ACADSB: variants seen among roughly 807,000 people sequenced by gnomAD.
ACADSB encodes the protein short/branched chain specific acyl-CoA dehydrogenase, mitochondrial.
A neutral mutation model predicts 54.1 loss-of-function variants in ACADSB; 40 were observed. The ratio of observed to expected loss-of-function variants is 0.74; its 90% confidence interval spans 0.57 to 0.96. The LOEUF is 0.96. Ranked by LOEUF, ACADSB falls within the 40% of genes least tolerant of loss-of-function variation. ACADSB has a pLI of 0.00. For synonymous variants in ACADSB, 182 were observed against 182.8 expected, an observed-to-expected ratio of 1.00 and a Z score of 0.03; for missense variants, 530 against 510.4, an observed-to-expected ratio of 1.04 and a Z score of -0.37.
At chr10:123,041,061 C>T in intron 4 of ACADSB, 148 bp from the exon 5 acceptor site, 1 of 902,660 alleles carries the variant, frequency 1.1e-6, no homozygotes, top group Non-Finnish European at 1.7e-6. Flanking sequence ...ATAATACTTT[C>T]AGAATACCAT....
At chr10:123,024,526 A>G (rs1206806373) in intron 1 of ACADSB, among the ~76,000 whole-genome samples, 3 of 152,276 alleles carry the variant, frequency 2.0e-5, no homozygotes, top group Non-Finnish European at 2.9e-5. Flanking sequence ...TGGAGCAGAA[A>G]GGAAAAGGTG....
chr10:123,026,669 A>C (rs570658667), intron 1 of ACADSB, among the ~76,000 whole-genome samples: 1 of 152,242 alleles, frequency 6.6e-6, no homozygotes, highest in South Asian at 2.1e-4. Flanking sequence ...TTTAAAAAGG[A>C]GTGAAAAAGC....
Position 123,058,070 on chromosome 10 carries a change from G to A in ACADSB, c.*4305G>A, listed in dbSNP as rs1485529790. ...GGCTCTCCTCAGCTGTAACCAGCAT[G>A]TCAAATGTGAAGATTATTGTGTGGG... On this transcript the variant is annotated 3_prime_UTR_variant, in exon 11 of 11. Transcript: ENST00000358776. 3 of 152,194 alleles carry A rather than the reference G, an allele frequency of 2.0e-5. No homozygotes were observed. Among genetic ancestry groups the A allele is most frequent in the Admixed American group, 1.3e-4 (2 of 15,286 alleles). 9.4% of individuals were successfully genotyped at this position (152,194 alleles called of 1,614,324 possible). A position where few individuals can be genotyped will look rare whatever the true frequency, so the allele number is the denominator to read the frequency against.
chr10:123,009,134 C>CT, intron 1 of ACADSB, 63 bp downstream of exon 1: 1 of 1,507,526 alleles, frequency 6.6e-7, no homozygotes, highest in East Asian at 2.5e-5. Flanking sequence ...GGAATCGCAG[C>CT]TGGCAGAGCC....
At chr10:123,053,287 G>T (rs1391483532) in intron 10 of ACADSB, 127 bp downstream of exon 10, 1 of 740,298 alleles carries the variant, frequency 1.4e-6, no homozygotes, top group African/African-American at 1.8e-5. Flanking sequence ...ATGTTTGGTG[G>T]CTCTATTTAT....
At chr10:123,043,707 G>A (rs1850509683) in intron 6 of ACADSB, among the ~76,000 whole-genome samples, 2 of 152,158 alleles carry the variant, frequency 1.3e-5, no homozygotes, top group Admixed American at 1.3e-4. Flanking sequence ...GAGTGAGGGG[G>A]AGGATGTCTT....
intron 8 of ACADSB, 50 bp from the exon 9 acceptor site, chr10:123,050,999 G>A (rs755735951): frequency 1.3e-6 from 2 of 1,598,110 alleles, no homozygotes; most frequent in South Asian, 1.1e-5. Context: ...AGGTTGAGGT[G>A]CTTGCTTTTT....
At chr10:123,042,457 C>T (rs995088792) in intron 5 of ACADSB, among the ~76,000 whole-genome samples, 3 of 115,774 alleles carry the variant, frequency 2.6e-5, no homozygotes, top group African/African-American at 3.3e-5. Context: ...ATTGTTAAAA[C>T]TTTTTTTTTT....
chr10:123,030,543 A>T (rs937708601), intron 1 of ACADSB, among the ~76,000 whole-genome samples: 1 of 150,916 alleles, frequency 6.6e-6, no homozygotes, highest in South Asian at 2.1e-4. Context: ...AAAAAAAAAA[A>T]GAAAAGAAAA....
rs766509184 is a variant in ACADSB, at chr10:123,037,847, G to A, written c.303G>A (p.Gly101=). The change falls in exon 3 of 11, where the codon GGG becomes GGA. Residue 101 remains glycine, a splice_region_variant and synonymous_variant. Transcript: ENST00000358776. ...KSVIQGLFQQ[G]LMGIEVDPEY... ...TAATACAAGGATTATTTCAACAAGG[G>A]GTACATTTCATAATTCTTCCACTTT... 1.6e-5 allele frequency: 25 copies of A among 1,561,250 alleles called. No individual in the cohort carries two copies. The highest frequency in any genetic ancestry group is 2.3e-5 in the East Asian group (1 of 44,434).
chr10:123,030,647 T>C (rs3901614), intron 1 of ACADSB, among the ~76,000 whole-genome samples: 74,641 of 151,830 alleles, frequency 0.49, 19,654 homozygotes, highest in Non-Finnish European at 0.61. Context: ...ATCTCTGATA[T>C]GTCTTCCTTT....
chr10:123,042,999 C>A, intron 5 of ACADSB, 47 bp from the exon 6 acceptor site: 2 of 1,601,714 alleles, frequency 1.2e-6, no homozygotes, highest in South Asian at 1.1e-5. Context: ...AGAAACAAGG[C>A]GTTTTATAAA....
At chr10:123,039,709 G>A (rs1589740745) in intron 3 of ACADSB, among the ~76,000 whole-genome samples, 1 of 152,214 alleles carries the variant, frequency 6.6e-6, no homozygotes, top group Admixed American at 6.5e-5. Context: ...ATCCCATTGA[G>A]GAGTAGGTTA....
intron 1 of ACADSB, among the ~76,000 whole-genome samples, chr10:123,033,729 G>C (rs890803351): frequency 6.6e-6 from 1 of 152,174 alleles, no homozygotes; most frequent in African/African-American, 2.4e-5. Flanking sequence ...TAACTGAGAG[G>C]TTAAAAATCA....
chr10:123,041,220 C>T lies in ACADSB; in HGVS notation c.522C>T (p.Phe174=). 6.2e-7 allele frequency: 1 copy of T among 1,614,108 alleles called. No homozygotes were observed. Among genetic ancestry groups the T allele is most frequent in the Non-Finnish European group, 8.5e-7 (1 of 1,179,996 alleles). Reference sequence around the variant, plus strand: ...TCTCCCATATGTAGGTAGGAAGTTTCTGCCTTTCAGAGGCTGGAGCAGGTA... The same window carrying T: ...TCTCCCATATGTAGGTAGGAAGTTTTTGCCTTTCAGAGGCTGGAGCAGGTA... ...PQLTTEKVGS[F]CLSEAGAGSD... Residue 174 remains phenylalanine, a synonymous_variant, in exon 5 of 11, where the codon TTC becomes TTT. Coordinates refer to ENST00000358776, the MANE Select transcript of ACADSB (RefSeq NM_001609.4).
In ACADSB at chr10:123,041,381, T is replaced by C; in HGVS notation, c.681+2T>C. The C allele has an allele frequency of 6.2e-7, 1 of 1,614,178 alleles. No homozygotes were observed. Among genetic ancestry groups the C allele is most frequent in the Non-Finnish European group, 8.5e-7 (1 of 1,180,002 alleles). ...ATGGCAAATGTAGACCCTACCATTG[T>C]AAGTTTGAAAACGAAATTTCTTTCT... On this transcript the variant is annotated splice_donor_variant, in intron 5 of 10. Coordinates refer to ENST00000358776, the MANE Select transcript of ACADSB (RefSeq NM_001609.4). LOFTEE classifies it high-confidence loss of function.
At chr10:123,036,690 A>T (rs1334886318) in intron 2 of ACADSB, among the ~76,000 whole-genome samples, 1 of 152,194 alleles carries the variant, frequency 6.6e-6, no homozygotes, top group African/African-American at 2.4e-5. Flanking sequence ...TCATGGAGGT[A>T]TTTGGGGAAC....
At chr10:123,027,504 T>A (rs889691425) in intron 1 of ACADSB, 8 of 455,334 alleles carry the variant, frequency 1.8e-5, no homozygotes, top group Admixed American at 1.4e-4. Flanking sequence ...TTTCCACTTT[T>A]GCTTCTTTCT....
In ACADSB at chr10:123,017,853, T is replaced by C. The variant is rs74159950; in HGVS notation, c.42+8782T>C. 5.9e-3 allele frequency among the ~76,000 whole-genome samples: 904 copies of C among 152,272 alleles called. 8 individuals carry two copies. The highest frequency in any genetic ancestry group is 0.02 in the African/African-American group (850 of 41,546). On this transcript the variant is annotated intron_variant, in intron 1 of 10. Transcript: ENST00000358776. ...AATTTAAACATTTTCTGGTTGACAA[T>C]TGGTTGAGTTGGGCTAAAAACCTGG...
Sources: allele counts gnomAD v4.1 joint callset (sites outside exome capture counted in the v4.1 genomes callset), GRCh38; gene constraint gnomAD v4.1.1; transcripts MANE v1.5; gene names NCBI Gene and HGNC (gene_info 2026-07-23, HGNC 2026-07-21).